The following ANKS1B variants were observed in gnomAD, a reference collection of about 807,000 sequenced individuals.
ANKS1B encodes the protein ankyrin repeat and sterile alpha motif domain-containing protein 1B.
Under a neutral mutation model 148.3 loss-of-function variants are expected in ANKS1B, and 36 were observed. That is an observed-to-expected ratio of 0.24 (90% CI 0.19 to 0.32). The LOEUF is 0.32. Among genes scored for constraint, ANKS1B ranks in the 10% least tolerant of loss-of-function variants. The pLI, the probability that ANKS1B is intolerant of heterozygous loss-of-function variation, is 1.00. For synonymous variants in ANKS1B, 542 were observed against 560.8 expected (o/e 0.97, Z 0.47); for missense variants, 1,157 against 1,542.6 (o/e 0.75, Z 4.19).
intron 1 of ANKS1B, among the ~76,000 whole-genome samples, chr12:99,850,281 GTC>G (rs71436968): frequency 0.018 from 2,070 of 114,032 alleles, 46 homozygotes; most frequent in East Asian, 0.051. Context: ...AAGCAAGAAA[GTC>G]TCTCTCTCTC....
chr12:99,409,793 T>A (rs1378437306), intron 11 of ANKS1B, among the ~76,000 whole-genome samples: 1 of 139,274 alleles, frequency 7.2e-6, no homozygotes, highest in Non-Finnish European at 1.6e-5. Flanking sequence ...CATGTTTGAT[T>A]TAATATAATT....
intron 1 of ANKS1B, among the ~76,000 whole-genome samples, chr12:99,846,295 G>T (rs2086662783): frequency 6.6e-6 from 1 of 151,620 alleles, no homozygotes; most frequent in African/African-American, 2.4e-5. Flanking sequence ...TCTCTTCTCT[G>T]TTTTCTTGAT....
chr12:99,134,257 A>G (rs2067127615), intron 15 of ANKS1B, among the ~76,000 whole-genome samples: 2 of 152,200 alleles, frequency 1.3e-5, no homozygotes, highest in Non-Finnish European at 2.9e-5. Context: ...AAAAGCTAAA[A>G]AAAGAATTCA....
At chr12:98,894,988 G>GGCA (rs1249281242) in intron 17 of ANKS1B, 6 of 766,476 alleles carry the variant, frequency 7.8e-6, no homozygotes, top group African/African-American at 1.9e-5. Flanking sequence ...CTGCCCTGGC[G>GGCA]GCAGCGGCGG....
chr12:98,989,905 G>A (rs1231356859), intron 17 of ANKS1B, among the ~76,000 whole-genome samples: 1 of 147,662 alleles, frequency 6.8e-6, no homozygotes, highest in Non-Finnish European at 1.5e-5. Flanking sequence ...AAGAAAGGAA[G>A]AAGGAAAGAA....
chr12:99,329,762 C>A (rs1288706838), intron 12 of ANKS1B, among the ~76,000 whole-genome samples: 2 of 151,614 alleles, frequency 1.3e-5, no homozygotes, highest in Non-Finnish European at 2.9e-5. Flanking sequence ...TGTCCTTAGG[C>A]CATTTTTCTA....
intron 1 of ANKS1B, among the ~76,000 whole-genome samples, chr12:99,894,524 A>AC (rs888595562): frequency 3.3e-5 from 5 of 150,004 alleles, no homozygotes; most frequent in Non-Finnish European, 5.9e-5. Flanking sequence ...AAAAAAAAAA[A>AC]AAAAAACAAG....
At chr12:99,882,816 T>G (rs2153739628) in intron 1 of ANKS1B, among the ~76,000 whole-genome samples, 1 of 152,224 alleles carries the variant, frequency 6.6e-6, no homozygotes, top group East Asian at 1.9e-4. Context: ...AAAAATAATT[T>G]TTTTTAAAAA....
intron 16 of ANKS1B, among the ~76,000 whole-genome samples, chr12:99,066,114 G>A (rs1157635094): frequency 6.6e-6 from 1 of 152,078 alleles, no homozygotes; most frequent in Non-Finnish European, 1.5e-5. Context: ...TCAGGAGTTC[G>A]AGACTAGCCT....
intron 14 of ANKS1B, among the ~76,000 whole-genome samples, chr12:99,161,498 G>C (rs1249911601): frequency 6.6e-6 from 1 of 152,118 alleles, no homozygotes; most frequent in African/African-American, 2.4e-5. Context: ...GGGTAACAGA[G>C]CAAGACCCTG....
chr12:99,499,040 A>G (rs1487410411), intron 10 of ANKS1B, among the ~76,000 whole-genome samples: 1 of 152,166 alleles, frequency 6.6e-6, no homozygotes, highest in Admixed American at 6.5e-5. Flanking sequence ...AAAAAATGCA[A>G]ACTATTTCCT....
intron 10 of ANKS1B, among the ~76,000 whole-genome samples, chr12:99,448,936 T>G (rs2095682334): frequency 6.6e-6 from 1 of 152,042 alleles, no homozygotes; most frequent in Non-Finnish European, 1.5e-5. Context: ...TAGACAGACT[T>G]TATTCTTTTA....
chr12:99,023,988 C>T (rs1345178675), intron 17 of ANKS1B, among the ~76,000 whole-genome samples: 2 of 150,352 alleles, frequency 1.3e-5, no homozygotes, highest in African/African-American at 2.4e-5. Flanking sequence ...ATAAAGATTA[C>T]ATATATATAT....
chr12:99,390,196 G>A (rs1567010890), intron 12 of ANKS1B, among the ~76,000 whole-genome samples: 1 of 152,172 alleles, frequency 6.6e-6, no homozygotes, highest in East Asian at 1.9e-4. Flanking sequence ...TTGTGTTTAT[G>A]TAGTTTGCAG....
intron 9 of ANKS1B, among the ~76,000 whole-genome samples, chr12:99,590,015 G>A (rs2097683806): frequency 6.6e-6 from 1 of 151,992 alleles, no homozygotes; most frequent in Non-Finnish European, 1.5e-5. Context: ...AGGGTGGTTA[G>A]TCAACATGGT....
intron 11 of ANKS1B, 64 bp from the exon 12 acceptor site, chr12:99,399,875 C>T: frequency 6.6e-7 from 1 of 1,520,608 alleles, no homozygotes; most frequent in Non-Finnish European, 9.1e-7. Context: ...CCAATCTCCC[C>T]ATCAATTTAA....
At chr12:99,648,710 C>T (rs764210291) in intron 9 of ANKS1B, 9 of 1,614,098 alleles carry the variant, frequency 5.6e-6, no homozygotes, top group Middle Eastern at 1.7e-4. Context: ...CCAGTGGAGG[C>T]TTACAGTGAT....
chr12:99,081,323 A>C (rs2049682623), intron 16 of ANKS1B, among the ~76,000 whole-genome samples: 1 of 152,200 alleles, frequency 6.6e-6, no homozygotes, highest in South Asian at 2.1e-4. Flanking sequence ...ATGTTAATTA[A>C]AGGATCCCAG....
intron 15 of ANKS1B, among the ~76,000 whole-genome samples, chr12:99,130,046 T>G (rs1413977027): frequency 1.3e-5 from 2 of 152,208 alleles, no homozygotes; most frequent in South Asian, 2.1e-4. Context: ...TCTTTTTTTT[T>G]GTCTTCTGTA....
Sources: gnomAD v4.1 joint callset for allele counts (sites outside exome capture counted in the v4.1 genomes callset) on GRCh38, gnomAD v4.1.1 for gene constraint, MANE v1.5 for transcripts, NCBI Gene and HGNC (gene_info 2026-07-23, HGNC 2026-07-21) for gene names.